Variants in CACNB4 observed in about 807,000 individuals in gnomAD.
The protein encoded by CACNB4 is voltage-dependent L-type calcium channel subunit beta-4.
CACNB4 carries 32 observed loss-of-function variants against 71.2 expected under a neutral mutation model. The observed-to-expected ratio is 0.45, with a 90% CI of 0.34 to 0.60. The LOEUF (loss-of-function observed/expected upper bound fraction) is 0.60, where lower values mean the gene tolerates loss of function less well. Ranked by LOEUF, CACNB4 falls within the 20% of genes least tolerant of loss-of-function variation. The probability of loss-of-function intolerance (pLI) is 0.01; values close to 1 mark genes in which losing one functional copy is unlikely to be tolerated. For missense variants in CACNB4, 464 were observed against 647.9 expected, an observed-to-expected ratio of 0.72 and a Z score of 3.08; for synonymous variants, 231 against 236.9, an observed-to-expected ratio of 0.97 and a Z score of 0.23.
At chr2:152,016,801 T>C (rs893660189) in intron 2 of CACNB4, among the ~76,000 whole-genome samples, 1 of 152,242 alleles carries the variant, frequency 6.6e-6, no homozygotes, top group African/African-American at 2.4e-5. Flanking sequence ...ACAGCCACTA[T>C]ACAAAAATAT....
chr2:152,084,093 C>T (rs1687513444), intron 2 of CACNB4, among the ~76,000 whole-genome samples: 3 of 152,148 alleles, frequency 2.0e-5, no homozygotes, highest in Non-Finnish European at 2.9e-5. Flanking sequence ...TCGTGTGGGT[C>T]GACATGAATG....
chr2:151,906,016 T>C (rs561373962), intron 2 of CACNB4, among the ~76,000 whole-genome samples: 90 of 152,302 alleles, frequency 5.9e-4, no homozygotes, highest in African/African-American at 2.0e-3. Context: ...AGCTACCTCA[T>C]CCTGTCTTTC....
intron 2 of CACNB4, among the ~76,000 whole-genome samples, chr2:152,078,423 A>G (rs188454395): frequency 1.0e-3 from 152 of 152,290 alleles, no homozygotes; most frequent in African/African-American, 3.6e-3. Context: ...CTTTGAAACT[A>G]TTATCATCAT....
chr2:151,874,424 C>T (rs907522532), intron 5 of CACNB4, among the ~76,000 whole-genome samples: 29 of 148,906 alleles, frequency 1.9e-4, no homozygotes, highest in Non-Finnish European at 3.8e-4. Context: ...GCCAAAATTG[C>T]GCCACTGCAC....
chr2:152,066,356 A>G (rs1181044716), intron 2 of CACNB4, among the ~76,000 whole-genome samples: 1 of 152,218 alleles, frequency 6.6e-6, no homozygotes, highest in Non-Finnish European at 1.5e-5. Context: ...CACTTCTCAA[A>G]AGAAGACATT....
At chr2:152,008,151 A>G (rs74348734) in intron 2 of CACNB4, among the ~76,000 whole-genome samples, 2,438 of 152,120 alleles carry the variant, frequency 0.016, 82 homozygotes, top group African/African-American at 0.054. Context: ...AGCAATGCAT[A>G]AGAGTTCCCA....
chr2:151,996,001 C>A (rs1460815075), intron 2 of CACNB4, among the ~76,000 whole-genome samples: 1 of 152,240 alleles, frequency 6.6e-6, no homozygotes, highest in African/African-American at 2.4e-5. Flanking sequence ...ATGGTCGGAG[C>A]AAGTCCTTAT....
chr2:151,842,135 G>A, intron 12 of CACNB4, 47 bp from the exon 13 acceptor site: 1 of 1,520,302 alleles, frequency 6.6e-7, no homozygotes, highest in Non-Finnish European at 9.1e-7. Flanking sequence ...TAGGTTTTAG[G>A]CAATGAAACC....
chr2:151,896,807 C>T (rs2099852198), intron 2 of CACNB4, among the ~76,000 whole-genome samples: 1 of 152,194 alleles, frequency 6.6e-6, no homozygotes, highest in South Asian at 2.1e-4. Context: ...TAAAACAGCA[C>T]TTTACTGATG....
rs750474911 is a variant in CACNB4, at chr2:151,855,174, AT to A, written c.1020+49del. ...AACAAAAAACCACAGAGCAAAACAC[AT>A]TTTTAAAAGATGCACTTCTAAACCT... On this transcript the variant is annotated intron_variant, in intron 11 of 13. Transcript: ENST00000539935. The A allele has an allele frequency of 2.9e-6, 4 of 1,371,146 alleles. No homozygotes were observed. The South Asian group carries it at 6.6e-5, about 23-fold the overall frequency. The allele number at this position is 1,371,146 out of a possible 1,614,324, so 84.9% of individuals were successfully genotyped here.
At chr2:151,971,514 T>C (rs1265979455) in intron 2 of CACNB4, 1 of 702,808 alleles carries the variant, frequency 1.4e-6, no homozygotes, top group East Asian at 2.7e-5. Flanking sequence ...CCGAGAGCTC[T>C]GCTTCCATCT....
At chr2:151,911,566 A>G (rs547535457) in intron 2 of CACNB4, among the ~76,000 whole-genome samples, 1 of 152,296 alleles carries the variant, frequency 6.6e-6, no homozygotes, top group South Asian at 2.1e-4. Context: ...GTGCTGCTGG[A>G]TTCAGTTTGC....
chr2:151,996,383 T>C (rs1172620645), intron 2 of CACNB4, among the ~76,000 whole-genome samples: 2 of 151,874 alleles, frequency 1.3e-5, no homozygotes, highest in African/African-American at 2.4e-5. Context: ...TCACTGTGAT[T>C]CAGAAGCTCA....
intron 2 of CACNB4, among the ~76,000 whole-genome samples, chr2:152,054,874 T>C (rs776363342): frequency 3.3e-5 from 5 of 152,238 alleles, no homozygotes; most frequent in Non-Finnish European, 5.9e-5. Context: ...TATGTCTTCT[T>C]TGGACAAATG....
intron 2 of CACNB4, among the ~76,000 whole-genome samples, chr2:151,898,909 C>T (rs57260910): frequency 0.017 from 2,581 of 152,250 alleles, 72 homozygotes; most frequent in African/African-American, 0.059. Context: ...GGCCTGAGGA[C>T]AGAGGTAAAG....
In CACNB4 at chr2:151,971,418, G is replaced by A. The variant is rs551092023; in HGVS notation, c.148-88048C>T. On this transcript the variant is annotated intron_variant, in intron 2 of 13. Coordinates refer to ENST00000539935, the MANE Select transcript of CACNB4 (RefSeq NM_000726.5). ...AACCCCCACCCCCAACCGAAGTGCC[G>A]TACTCAGCTTTTAGTGCCTATATAT... 50 of 684,876 alleles carry A rather than the reference G, an allele frequency of 7.3e-5. 1 individual carries two copies. The highest frequency in any genetic ancestry group is 5.3e-4 in the South Asian group (34 of 64,296). The allele number at this position is 684,876 out of a possible 1,614,324, so 42.4% of individuals were successfully genotyped here.
chr2:151,898,835 A>AT (rs1368435183), intron 2 of CACNB4, among the ~76,000 whole-genome samples: 1 of 152,242 alleles, frequency 6.6e-6, no homozygotes, highest in Admixed American at 6.5e-5. Context: ...ACATAGACCT[A>AT]TACTGTCTAT....
intron 2 of CACNB4, among the ~76,000 whole-genome samples, chr2:152,035,630 C>CCTCTCTCTCTCTCTCTCTCT (rs369495604): frequency 5.4e-5 from 5 of 93,288 alleles, no homozygotes; most frequent in Non-Finnish European, 8.1e-5. Flanking sequence ...CCTCCCTCTC[C>CCTCTCTCTCTCTCTCTCTCT]CTCTCTCTCT....
intron 2 of CACNB4, among the ~76,000 whole-genome samples, chr2:151,920,068 T>C (rs1057372326): frequency 1.3e-5 from 2 of 152,230 alleles, no homozygotes; most frequent in Non-Finnish European, 2.9e-5. Flanking sequence ...AATCCTATTA[T>C]GGCAACCTAA....
Sources: gnomAD v4.1 joint callset for allele counts (sites outside exome capture counted in the v4.1 genomes callset) on GRCh38, gnomAD v4.1.1 for gene constraint, MANE v1.5 for transcripts, NCBI Gene and HGNC (gene_info 2026-07-23, HGNC 2026-07-21) for gene names.